The following COL4A2 variants were observed in gnomAD, a reference collection of about 807,000 sequenced individuals.
The protein encoded by COL4A2 is collagen type IV alpha 2 chain.
A neutral mutation model predicts 200.2 loss-of-function variants in COL4A2; 99 were observed. That is an observed-to-expected ratio of 0.49 (90% CI 0.42 to 0.58). The LOEUF (loss-of-function observed/expected upper bound fraction) is 0.58. COL4A2 is among the 20% of genes least tolerant of loss of function. The pLI, the probability that COL4A2 is intolerant of heterozygous loss-of-function variation, is 0.00. For missense variants in COL4A2, 1,950 were observed against 2,314.1 expected (o/e 0.84, Z 3.23); for synonymous variants, 897 against 900.6 (o/e 1.00, Z 0.07).
chr13:110,417,789 G>A (rs1430452702), intron 4 of COL4A2, among the ~76,000 whole-genome samples: 5 of 151,890 alleles, frequency 3.3e-5, no homozygotes, highest in African/African-American at 4.8e-5. Context: ...TGCACACATC[G>A]GGCATTTTGT....
rs540101664 is a variant in COL4A2 at position 110,488,463 on chromosome 13, C to G, written c.3208-982C>G. Among the ~76,000 whole-genome samples, 21 of 152,314 alleles carry G rather than the reference C, an allele frequency of 1.4e-4. No individual in the cohort carries two copies. The South Asian group carries it at 4.4e-3, about 32-fold the overall frequency. On this transcript the variant is annotated intron_variant, in intron 34 of 47. Transcript: ENST00000360467. ...GAGGAAGCCACTCTGGAGGGGAAAA[C>G]TAGGGCTTCCAGGAAGCCACCGAGC...
intron 4 of COL4A2, 53 bp downstream of exon 4, chr13:110,357,605 TC>T: frequency 6.5e-7 from 1 of 1,549,454 alleles, no homozygotes; most frequent in Non-Finnish European, 8.7e-7. Context: ...CAGTCATGCC[TC>T]GCTTAACAAC....
intron 4 of COL4A2, among the ~76,000 whole-genome samples, chr13:110,369,672 T>C (rs750492061): frequency 2.0e-5 from 3 of 152,132 alleles, no homozygotes; most frequent in Non-Finnish European, 4.4e-5. Context: ...ATTTTAGCTT[T>C]AACACGTGCC....
chr13:110,495,600 G>A, intron 40 of COL4A2, 133 bp downstream of exon 40: 1 of 1,192,728 alleles, frequency 8.4e-7, no homozygotes, highest in South Asian at 1.5e-5. Context: ...TTCTGGGGAG[G>A]ACTACCTGTT....
At chr13:110,327,856 G>A (rs1415142104) in intron 3 of COL4A2, among the ~76,000 whole-genome samples, 1 of 152,196 alleles carries the variant, frequency 6.6e-6, no homozygotes, top group Non-Finnish European at 1.5e-5. Context: ...GCAAAGTTGT[G>A]ACTGTAAACA....
intron 24 of COL4A2, among the ~76,000 whole-genome samples, chr13:110,464,683 A>G (rs543984757): frequency 2.2e-4 from 34 of 152,282 alleles, no homozygotes; most frequent in African/African-American, 7.9e-4. Context: ...CAGCTGCCTC[A>G]TTGTCATGAG....
At position 110,450,033 on chromosome 13, in the gene COL4A2, C is replaced by T. The variant is rs112852275; in HGVS notation, c.1189+244C>T. On this transcript the variant is annotated intron_variant, in intron 19 of 47. Transcript: ENST00000360467. ...GCCACGATGGGTAACTGGCATGCTT[C>T]CACCTGTGGGTTGGGAAGAGAACGG... is the stretch of plus-strand genomic sequence containing the variant. 7.3e-3 allele frequency among the ~76,000 whole-genome samples: 1,114 copies of T among 152,320 alleles called. 12 individuals carry two copies. Among genetic ancestry groups the T allele is most frequent in the African/African-American group, 0.026 (1,064 of 41,566 alleles).
At chr13:110,432,476 A>G in intron 11 of COL4A2, 116 bp downstream of exon 11, 1 of 1,282,478 alleles carries the variant, frequency 7.8e-7, no homozygotes, top group Non-Finnish European at 1.0e-6. Flanking sequence ...TTATATTATG[A>G]TGAAAACAGT....
chr13:110,456,583 T>G (rs1354512355), intron 20 of COL4A2: 2 of 364,158 alleles, frequency 5.5e-6, no homozygotes, highest in Non-Finnish European at 1.1e-5. Flanking sequence ...TTTCCAACCC[T>G]GAAGGCTATC....
chr13:110,406,375 G>A (rs1470524194), intron 4 of COL4A2, among the ~76,000 whole-genome samples: 5 of 152,126 alleles, frequency 3.3e-5, no homozygotes, highest in Non-Finnish European at 7.3e-5. Flanking sequence ...TACTCATCAG[G>A]GTTCACAGGC....
chr13:110,498,312 T>C (rs896148812), intron 40 of COL4A2, among the ~76,000 whole-genome samples: 2 of 152,200 alleles, frequency 1.3e-5, no homozygotes, highest in Non-Finnish European at 2.9e-5. Flanking sequence ...AGCGTTGTTT[T>C]CAGAGTGTCA....
At chr13:110,337,730 T>G (rs1876265631) in intron 3 of COL4A2, among the ~76,000 whole-genome samples, 2 of 152,364 alleles carry the variant, frequency 1.3e-5, no homozygotes, top group East Asian at 1.9e-4. Flanking sequence ...ATCTGAAGTC[T>G]GCCTGTCCCA....
At chr13:110,448,077 C>T (rs1881397250) in intron 18 of COL4A2, among the ~76,000 whole-genome samples, 1 of 152,116 alleles carries the variant, frequency 6.6e-6, no homozygotes, top group Non-Finnish European at 1.5e-5. Flanking sequence ...CCATGATGCC[C>T]GTAACTACGA....
chr13:110,355,836 TGTGTGG>T (rs1261694139), intron 3 of COL4A2, among the ~76,000 whole-genome samples: 7 of 8,926 alleles, frequency 7.8e-4, no homozygotes. Context: ...AGCTCACCTG[TGTGTGG>T]GGGGGAGGGC....
intron 29 of COL4A2, among the ~76,000 whole-genome samples, chr13:110,476,729 AAG>A (rs1013745396): frequency 3.3e-5 from 5 of 152,212 alleles, no homozygotes; most frequent in Non-Finnish European, 7.3e-5. Flanking sequence ...CAGGCTCACG[AAG>A]AGAGGGGGAA....
chr13:110,511,958 G>A lies in COL4A2; in HGVS notation c.4906G>A (p.Gly1636Ser), dbSNP rs753412782. The A allele has an allele frequency of 1.1e-5, 17 of 1,613,362 alleles. No homozygotes were observed. Among genetic ancestry groups the A allele is most frequent in the African/African-American group, 2.7e-5 (2 of 74,928 alleles). The change falls in exon 48 of 48, where the codon GGT becomes AGT. Residue 1636 changes from glycine (G) to serine (S), a missense_variant. Physicochemically the swap from Gly to Ser is moderately conservative, Grantham distance 56. Around this residue, in one of 2 missense-constraint regions of COL4A2, gnomAD observed 1,385 missense variants for 1,720.5 expected, o/e 0.80. Transcript: ENST00000360467. ...GCACACGGCGGCGGGAGACGAAGGCGGTGGCCAATCACTGGTGTCACCGGG... is the reference window on the plus strand; with the variant it reads ...GCACACGGCGGCGGGAGACGAAGGCAGTGGCCAATCACTGGTGTCACCGGG... ...LMHTAAGDEG[G>S]GQSLVSPGSC...
chr13:110,365,269 G>A (rs535908139), intron 4 of COL4A2, among the ~76,000 whole-genome samples: 2 of 152,150 alleles, frequency 1.3e-5, no homozygotes, highest in Admixed American at 6.5e-5. Context: ...AGCCTCCCGA[G>A]TAGCTGGGAT....
chr13:110,312,681 C>T (rs1336924189), intron 3 of COL4A2, among the ~76,000 whole-genome samples: 1 of 152,204 alleles, frequency 6.6e-6, no homozygotes, highest in Non-Finnish European at 1.5e-5. Context: ...TTTGTGTCTG[C>T]TGGTGTCTAC....
intron 4 of COL4A2, among the ~76,000 whole-genome samples, chr13:110,401,828 T>C (rs114389747): frequency 0.017 from 2,559 of 152,290 alleles, 66 homozygotes; most frequent in African/African-American, 0.058. Context: ...ACTAGTAGAT[T>C]TGGTGTCTGA....
Sources: gnomAD v4.1 joint callset for allele counts (sites outside exome capture counted in the v4.1 genomes callset) on GRCh38, gnomAD v4.1.1 for gene constraint, gnomAD v4.1.1 regional missense constraint, MANE v1.5 for transcripts, NCBI Gene and HGNC (gene_info 2026-07-23, HGNC 2026-07-21) for gene names.